The following ILDR2 variants were observed in gnomAD, a reference collection of about 807,000 sequenced individuals.
ILDR2 encodes the protein immunoglobulin-like domain-containing receptor 2.
Under a neutral mutation model 66.8 loss-of-function variants are expected in ILDR2, and 25 were observed. That is an observed-to-expected ratio of 0.37 (90% CI 0.27 to 0.52). The LOEUF is 0.52. Among genes scored for constraint, ILDR2 ranks in the 20% least tolerant of loss-of-function variants. The probability of loss-of-function intolerance (pLI) is 0.88; values close to 1 mark genes in which losing one functional copy is unlikely to be tolerated. For synonymous variants in ILDR2, 367 were observed against 357.2 expected (o/e 1.03, Z -0.31); for missense variants, 827 against 876.8 (o/e 0.94, Z 0.72).
intron 3 of ILDR2, among the ~76,000 whole-genome samples, chr1:166,948,310 GAA>G (rs1661761677): frequency 6.6e-6 from 1 of 152,162 alleles, no homozygotes; most frequent in African/African-American, 2.4e-5. Context: ...TGTCTTGCCA[GAA>G]ATTATTAAAA....
At chr1:166,941,438 A>T (rs1661307526) in intron 3 of ILDR2, among the ~76,000 whole-genome samples, 1 of 152,208 alleles carries the variant, frequency 6.6e-6, no homozygotes. Context: ...TTTGGGGCCA[A>T]AGCTTGAGAA....
At position 166,919,111 on chromosome 1, in the gene ILDR2, G is replaced by A. The variant is rs569204093; in HGVS notation, c.*244C>T. 1.9e-6 allele frequency: 1 copy of A among 524,064 alleles called. No homozygotes were observed. The highest frequency in any genetic ancestry group is 3.4e-6 in the Non-Finnish European group (1 of 293,048). The allele number at this position is 524,064 out of a possible 1,614,324, so 32.5% of individuals were successfully genotyped here. On this transcript the variant is annotated 3_prime_UTR_variant, in exon 10 of 10. Transcript: ENST00000271417. Reference sequence around the variant, plus strand: ...ATAAACGCTATAGTTGAGAAACTCTGTATGTAGGAATGTTCTCACACATTC... The same window carrying A: ...ATAAACGCTATAGTTGAGAAACTCTATATGTAGGAATGTTCTCACACATTC...
intron 1 of ILDR2, among the ~76,000 whole-genome samples, chr1:166,959,589 A>G (rs1193871721): frequency 2.0e-5 from 3 of 152,240 alleles, no homozygotes; most frequent in Non-Finnish European, 4.4e-5. Context: ...AGTGGGGGCT[A>G]AAAAGCAGAT....
chr1:166,962,637 C>G (rs539400014), intron 1 of ILDR2, among the ~76,000 whole-genome samples: 3 of 152,256 alleles, frequency 2.0e-5, no homozygotes, highest in African/African-American at 7.2e-5. Flanking sequence ...GATACCCTCT[C>G]TCTGGCTCCC....
rs561381529 is a variant in ILDR2 at position 166,921,747 on chromosome 1, A to G, written c.1212-368T>C. 1.7e-4 allele frequency among the ~76,000 whole-genome samples: 26 copies of G among 152,292 alleles called. No individual in the cohort carries two copies. In the South Asian group the frequency reaches 5.4e-3, roughly 32 times the overall value. ...AGCGCAGGTGTCAGTACACACAGTT[A>G]TGGTCCCAGGAGTCCCTGTAATGTG... On this transcript the variant is annotated intron_variant, in intron 8 of 9. Transcript: ENST00000271417. This position sits in a 1 kb window ranked among gnomAD's most constrained non-coding sequence, Gnocchi z 5.3.
rs979361329 is a variant in ILDR2, at chr1:166,912,897, G to T, written c.*6458C>A. 1 of 152,086 alleles carries T rather than the reference G, an allele frequency of 6.6e-6. No homozygotes were observed. The highest frequency in any genetic ancestry group is 2.4e-5 in the African/African-American group (1 of 41,392). The allele number at this position is 152,086 out of a possible 1,614,324, so 9.4% of individuals were successfully genotyped here. A position where few individuals can be genotyped will look rare whatever the true frequency, so the allele number is the denominator to read the frequency against. On this transcript the variant is annotated 3_prime_UTR_variant, in exon 10 of 10. Coordinates refer to ENST00000271417, the MANE Select transcript of ILDR2 (RefSeq NM_199351.3). ...ATATGCTTGTGCCCCTCTTGGAAAT[G>T]AGCTAGGTACCATCACCTTATCCAA...
rs992750829 is a variant in ILDR2 at position 166,914,225 on chromosome 1, A to G, written c.*5130T>C. 2.0e-5 allele frequency: 3 copies of G among 152,238 alleles called. No individual in the cohort carries two copies. Among genetic ancestry groups the G allele is most frequent in the African/African-American group, 4.8e-5 (2 of 41,460 alleles). The allele number at this position is 152,238 out of a possible 1,614,324, so 9.4% of individuals were successfully genotyped here. On this transcript the variant is annotated 3_prime_UTR_variant, in exon 10 of 10. Coordinates refer to ENST00000271417, the MANE Select transcript of ILDR2 (RefSeq NM_199351.3). ...TGAATGGTGCTTAGTTGGATGAAGC[A>G]GCAACAGTATCTGTCTTCATGGCTT...
At chr1:166,922,458 A>C (rs1445866242) in intron 8 of ILDR2, 135 bp downstream of exon 8, 2 of 710,440 alleles carry the variant, frequency 2.8e-6, no homozygotes, top group Non-Finnish European at 5.0e-6. Context: ...ATCCTGTAGA[A>C]AGAGAGATGT....
chr1:166,925,702 C>A (rs1392860139), intron 7 of ILDR2, among the ~76,000 whole-genome samples: 1 of 152,206 alleles, frequency 6.6e-6, no homozygotes, highest in Non-Finnish European at 1.5e-5. Context: ...CTGCACACTA[C>A]AAAGGTTAAC....
At chr1:166,903,772 A>G (rs902531125), downstream of ILDR2, among the ~76,000 whole-genome samples, 1 of 152,048 alleles carries the variant, frequency 6.6e-6, no homozygotes, top group African/African-American at 2.4e-5. Flanking sequence ...TGTTCCTCAA[A>G]CATTCTGAAA....
At chr1:166,935,627 C>G in intron 5 of ILDR2, 150 bp from the exon 6 acceptor site, 1 of 671,874 alleles carries the variant, frequency 1.5e-6, no homozygotes, top group Admixed American at 3.3e-5. Context: ...TGAACTGATT[C>G]ATCAGAATCA....
intron 4 of ILDR2, 128 bp downstream of exon 4, chr1:166,939,386 C>T: frequency 1.3e-6 from 1 of 753,284 alleles, no homozygotes; most frequent in Non-Finnish European, 2.3e-6. Context: ...TTAGTTAATC[C>T]TGGAAAAGAT....
chr1:166,925,227 C>G (rs1193473065), intron 7 of ILDR2, among the ~76,000 whole-genome samples: 1 of 152,212 alleles, frequency 6.6e-6, no homozygotes, highest in African/African-American at 2.4e-5. Flanking sequence ...AACCTGAAAC[C>G]ATGAGATCCA....
intron 3 of ILDR2, chr1:166,943,759 C>T (rs1216401250): frequency 2.1e-5 from 19 of 920,522 alleles, no homozygotes; most frequent in Non-Finnish European, 2.3e-5. Flanking sequence ...TTCCAGATTT[C>T]AGCAGCACTT....
chr1:166,898,069 A>G (rs1357334480), intron 2 of ILDR2, among the ~76,000 whole-genome samples: 1 of 152,166 alleles, frequency 6.6e-6, no homozygotes, highest in Non-Finnish European at 1.5e-5. Flanking sequence ...CTGCACAATG[A>G]AAGAAAACAA....
At chr1:166,967,152 G>T (rs919534341) in intron 1 of ILDR2, among the ~76,000 whole-genome samples, 1 of 152,204 alleles carries the variant, frequency 6.6e-6, no homozygotes, top group East Asian at 1.9e-4. Flanking sequence ...TAGGAGAAGC[G>T]ATGTGTGTAA....
At chr1:166,938,209 T>C (rs1661100063) in intron 4 of ILDR2, among the ~76,000 whole-genome samples, 2 of 152,212 alleles carry the variant, frequency 1.3e-5, no homozygotes, top group African/African-American at 4.8e-5. Flanking sequence ...TAATGCAACA[T>C]AGCCTGAGAT....
downstream of ILDR2, among the ~76,000 whole-genome samples, chr1:166,903,527 T>C (rs1659295463): frequency 6.6e-6 from 1 of 152,218 alleles, no homozygotes; most frequent in Non-Finnish European, 1.5e-5. Context: ...TGGCCACAAC[T>C]CACAATAAGG....
chr1:166,960,742 T>C (rs1486794549), intron 1 of ILDR2, among the ~76,000 whole-genome samples: 2 of 152,208 alleles, frequency 1.3e-5, no homozygotes, highest in African/African-American at 2.4e-5. Flanking sequence ...TGGAAGCTCA[T>C]TGAAGAACCC....
Sources: gnomAD v4.1 joint callset for allele counts (sites outside exome capture counted in the v4.1 genomes callset) on GRCh38, gnomAD v4.1.1 for gene constraint, Gnocchi (gnomAD v3.1) non-coding constraint, MANE v1.5 for transcripts, NCBI Gene and HGNC (gene_info 2026-07-23, HGNC 2026-07-21) for gene names.